The following STXBP4 variants were observed in gnomAD, a reference collection of about 807,000 sequenced individuals.
STXBP4 encodes syntaxin-binding protein 4.
In STXBP4, 55 loss-of-function variants were observed where a neutral mutation model predicts 76.1. The observed-to-expected ratio is 0.72, with a 90% CI of 0.58 to 0.91. The LOEUF (loss-of-function observed/expected upper bound fraction) is 0.91. Ranked by LOEUF, STXBP4 falls within the 40% of genes least tolerant of loss-of-function variation. STXBP4 has a pLI of 0.00. For synonymous variants in STXBP4, 201 were observed against 220.2 expected (o/e 0.91, Z 0.77); for missense variants, 618 against 636.9 (o/e 0.97, Z 0.32).
intron 3 of STXBP4, among the ~76,000 whole-genome samples, chr17:54,988,393 A>G (rs2144385929): frequency 6.6e-6 from 1 of 152,330 alleles, no homozygotes; most frequent in Admixed American, 6.5e-5. Context: ...GAGAGATCTA[A>G]TAAGGTAGCT....
chr17:55,187,680 C>A, the STXBP4 span, among the ~76,000 whole-genome samples: 1 of 152,182 alleles, frequency 6.6e-6, no homozygotes, highest in African/African-American at 2.4e-5. Flanking sequence ...CCCAGGGAGG[C>A]TGCCAAGAAC....
At chr17:55,048,271 A>AAC (rs1314276079) in intron 12 of STXBP4, among the ~76,000 whole-genome samples, 1 of 151,892 alleles carries the variant, frequency 6.6e-6, no homozygotes, top group African/African-American at 2.4e-5. Context: ...ATGAAAGCAG[A>AAC]ACACAACTTA....
chr17:55,139,389 A>G (rs1445484632), intron 16 of STXBP4, among the ~76,000 whole-genome samples: 5 of 152,156 alleles, frequency 3.3e-5, no homozygotes, highest in Admixed American at 1.3e-4. Context: ...GCGGGCAAAA[A>G]TTGTAGTCAC....
At chr17:55,065,845 A>G (rs12452981) in intron 12 of STXBP4, among the ~76,000 whole-genome samples, 28,038 of 152,138 alleles carry the variant, frequency 0.18, 3,053 homozygotes, top group Middle Eastern at 0.35. Flanking sequence ...TTAGAAGCAG[A>G]AATCAATTTT....
rs2079805253 is a variant in STXBP4 at position 55,118,250 on chromosome 17, G to A, written c.1490-23060G>A. Among the ~76,000 whole-genome samples the A allele has an allele frequency of 2.0e-5, 3 of 151,830 alleles. No individual in the cohort carries two copies. In the South Asian group the frequency reaches 6.2e-4, roughly 32 times the overall value. On this transcript the variant is annotated intron_variant, in intron 16 of 17. Coordinates refer to ENST00000376352, the MANE Select transcript of STXBP4 (RefSeq NM_178509.6). ...AACATGTTGCTCTGATAGAAATGGA[G>A]GAAGGACAAGAAAAGTCTGTCTTCA...
intron 1 of STXBP4, among the ~76,000 whole-genome samples, chr17:54,975,122 C>T (rs897376719): frequency 3.3e-5 from 5 of 152,150 alleles, no homozygotes; most frequent in Admixed American, 1.3e-4. Context: ...GTTTAATGCT[C>T]TACTGTCAGC....
At chr17:55,124,635 T>G (rs1321989488) in intron 16 of STXBP4, among the ~76,000 whole-genome samples, 1 of 152,184 alleles carries the variant, frequency 6.6e-6, no homozygotes, top group African/African-American at 2.4e-5. Flanking sequence ...CTGAAGTAAT[T>G]CTGTCAAGTA....
intron 12 of STXBP4, among the ~76,000 whole-genome samples, chr17:55,067,037 C>A (rs1301023047): frequency 5.3e-5 from 8 of 152,060 alleles, no homozygotes; most frequent in Non-Finnish European, 1.0e-4. Context: ...AAGCTTCTTG[C>A]CTAAATAAGT....
At chr17:54,972,862 C>A (rs1262289653) in intron 1 of STXBP4, among the ~76,000 whole-genome samples, 2 of 152,166 alleles carry the variant, frequency 1.3e-5, no homozygotes, top group Admixed American at 6.5e-5. Flanking sequence ...GCTCAATTCC[C>A]CCCATATGTA....
intron 17 of STXBP4, among the ~76,000 whole-genome samples, chr17:55,146,486 C>A (rs143422854): frequency 6.6e-5 from 10 of 151,848 alleles, no homozygotes; most frequent in Non-Finnish European, 1.3e-4. Context: ...CCAAGGCAGG[C>A]GGATCACGAG....
chr17:55,209,622 G>A, the STXBP4 span, among the ~76,000 whole-genome samples: 1 of 152,220 alleles, frequency 6.6e-6, no homozygotes, highest in Non-Finnish European at 1.5e-5. Context: ...CATGGCCATT[G>A]TCTTTAAAGT....
intron 10 of STXBP4, among the ~76,000 whole-genome samples, chr17:55,036,904 T>C (rs927151559): frequency 2.6e-5 from 4 of 152,214 alleles, no homozygotes; most frequent in Middle Eastern, 3.4e-3. Flanking sequence ...AAACACAGAG[T>C]ATATAAATAT....
chr17:54,976,933 A>G (rs751506043), intron 1 of STXBP4, among the ~76,000 whole-genome samples: 4 of 151,776 alleles, frequency 2.6e-5, no homozygotes, highest in Admixed American at 6.6e-5. Context: ...CCTCTTCCTT[A>G]CCCCTCCCTA....
intron 8 of STXBP4, among the ~76,000 whole-genome samples, chr17:55,017,495 C>G (rs903619202): frequency 9.9e-5 from 15 of 152,184 alleles, no homozygotes; most frequent in Non-Finnish European, 2.2e-4. Context: ...AAATGAAAGT[C>G]TGAATCATTA....
At chr17:55,087,653 A>G (rs193105606) in intron 16 of STXBP4, among the ~76,000 whole-genome samples, 3 of 152,236 alleles carry the variant, frequency 2.0e-5, no homozygotes, top group Non-Finnish European at 2.9e-5. Context: ...GCTTTGTAGT[A>G]TATTTTGAAG....
In STXBP4 at chr17:55,172,522, C is replaced by G. The variant is rs2080412283; in HGVS notation, c.*12611C>G. On this transcript the variant is annotated 3_prime_UTR_variant, in exon 18 of 18. Coordinates refer to ENST00000376352, the MANE Select transcript of STXBP4 (RefSeq NM_178509.6). Reference sequence around the variant, plus strand: ...ACAATGCTGCAGTCAGATACACACACATATTTCAACTGCATAACTTCCTTT... The same window carrying G: ...ACAATGCTGCAGTCAGATACACACAGATATTTCAACTGCATAACTTCCTTT... 6.6e-6 allele frequency: 1 copy of G among 152,204 alleles called. No individual in the cohort carries two copies. Among genetic ancestry groups the G allele is most frequent in the South Asian group, 2.1e-4 (1 of 4,830 alleles). 9.4% of individuals were successfully genotyped at this position (152,204 alleles called of 1,614,324 possible).
rs1337565723 is a variant in STXBP4 at position 55,094,050 on chromosome 17, G to C, written c.1489+12867G>C. ...ATTAATTGACAAATAAGTCTTCTTT[G>C]AAGAGGTAACATTGCATCCCAGACT... On this transcript the variant is annotated intron_variant, in intron 16 of 17. Coordinates refer to ENST00000376352, the MANE Select transcript of STXBP4 (RefSeq NM_178509.6). Among the ~76,000 whole-genome samples the C allele has an allele frequency of 4.0e-5, 6 of 151,154 alleles. No homozygotes were observed. In the East Asian group the frequency reaches 1.2e-3, roughly 30 times the overall value.
intron 8 of STXBP4, among the ~76,000 whole-genome samples, chr17:55,016,235 C>A (rs947759785): frequency 1.3e-5 from 2 of 152,128 alleles, no homozygotes; most frequent in Non-Finnish European, 2.9e-5. Flanking sequence ...TAGTTACACT[C>A]ACCGATGTAG....
At chr17:55,118,930 G>C (rs244348) in intron 16 of STXBP4, among the ~76,000 whole-genome samples, 2 of 148,908 alleles carry the variant, frequency 1.3e-5, no homozygotes, top group African/African-American at 4.9e-5. Flanking sequence ...AGTGGAAGCT[G>C]TATTAACTGA....
Sources: gnomAD v4.1 joint callset for allele counts (sites outside exome capture counted in the v4.1 genomes callset) on GRCh38, gnomAD v4.1.1 for gene constraint, MANE v1.5 for transcripts, NCBI Gene and HGNC (gene_info 2026-07-23, HGNC 2026-07-21) for gene names.